The following NTRK2 variants were observed in gnomAD, a reference collection of about 807,000 sequenced individuals.
NTRK2 encodes neurotrophic receptor tyrosine kinase 2, also known as BDNF/NT-3 growth factors receptor.
A neutral mutation model predicts 94.5 loss-of-function variants in NTRK2; 13 were observed. The ratio of observed to expected loss-of-function variants is 0.14; its 90% CI spans 0.09 to 0.22. The LOEUF (loss-of-function observed/expected upper bound fraction) is 0.22, where lower values mean the gene tolerates loss of function less well. Ranked by LOEUF, NTRK2 falls within the 10% of genes least tolerant of loss-of-function variation. The pLI is 1.00. For synonymous variants in NTRK2, 372 were observed against 407.4 expected, an observed-to-expected ratio of 0.91 and a Z score of 1.05; for missense variants, 639 against 1,071.2, an observed-to-expected ratio of 0.60 and a Z score of 5.63.
chr9:84,699,970 A>G (rs1176858700), intron 2 of NTRK2, among the ~76,000 whole-genome samples: 2 of 152,236 alleles, frequency 1.3e-5, no homozygotes, highest in Admixed American at 6.5e-5. Context: ...TGTGCAGATC[A>G]TAATAAAGTC....
At chr9:84,789,632 C>G (rs949081818) in intron 12 of NTRK2, among the ~76,000 whole-genome samples, 65 of 152,154 alleles carry the variant, frequency 4.3e-4, no homozygotes, top group African/African-American at 1.5e-3. Flanking sequence ...AATAGCAGAC[C>G]TAAATCCAGA....
Position 84,670,868 on chromosome 9 carries a change from C to T in NTRK2, c.120C>T (p.Ala40=), listed in dbSNP as rs752620023. ...FACPTSCKCS[A]SRIWCSDPSP... ...GTCCCACGTCCTGCAAATGCAGTGCCTCTCGGATCTGGTGCAGCGACCCTT... is the reference window on the plus strand; with the variant it reads ...GTCCCACGTCCTGCAAATGCAGTGCTTCTCGGATCTGGTGCAGCGACCCTT... The change falls in exon 2 of 19, where the codon GCC becomes GCT. Residue 40 remains alanine, a synonymous_variant. Coordinates refer to ENST00000277120, the MANE Select transcript of NTRK2 (RefSeq NM_006180.6). The T allele has an allele frequency of 1.1e-5, 18 of 1,613,858 alleles. No individual in the cohort carries two copies. The highest frequency in any genetic ancestry group is 5.1e-6 in the Non-Finnish European group (6 of 1,180,046).
intron 16 of NTRK2, among the ~76,000 whole-genome samples, chr9:84,951,514 G>A (rs1197963442): frequency 6.6e-6 from 1 of 152,080 alleles, no homozygotes; most frequent in Non-Finnish European, 1.5e-5. Context: ...AAATGCTTCC[G>A]TGAGCTCACA....
Position 84,695,243 on chromosome 9 carries a change from G to A in NTRK2, c.213-6916G>A, listed in dbSNP as rs993310831. On this transcript the variant is annotated intron_variant, in intron 2 of 18. Transcript: ENST00000277120. ...GATGTGTTGCCAAAGTACAGTTCAG[G>A]TAATAAAGTCTAGGCTAAAGGGGAA... 5.9e-5 allele frequency among the ~76,000 whole-genome samples: 9 copies of A among 152,110 alleles called. No homozygotes were observed. The East Asian group carries it at 1.5e-3, about 26-fold the overall frequency.
At chr9:84,676,019 A>T (rs1319710227) in intron 2 of NTRK2, among the ~76,000 whole-genome samples, 1 of 151,924 alleles carries the variant, frequency 6.6e-6, no homozygotes, top group Non-Finnish European at 1.5e-5. Flanking sequence ...GTAGATACTA[A>T]GTTTATTCCT....
intron 17 of NTRK2, among the ~76,000 whole-genome samples, chr9:85,010,450 A>G (rs943773238): frequency 6.6e-6 from 1 of 152,196 alleles, no homozygotes; most frequent in Non-Finnish European, 1.5e-5. Context: ...GAGGCCATGA[A>G]AAGCTCGGTA....
At position 84,670,511 on chromosome 9, in the gene NTRK2, G is replaced by T; in HGVS notation, c.-238G>T. ...GGCCGCCGCGGAGCTCCGAGCAGCG[G>T]TAGCGCCCCCCTGTAAAGCGGTTCG... On this transcript the variant is annotated 5_prime_UTR_variant, in exon 2 of 19. Transcript: ENST00000277120. 1.8e-6 allele frequency: 1 copy of T among 562,390 alleles called. No individual in the cohort carries two copies. Among genetic ancestry groups the T allele is most frequent in the East Asian group, 3.0e-5 (1 of 33,678 alleles). 34.8% of individuals were successfully genotyped at this position (562,390 alleles called of 1,614,324 possible). A position where few individuals can be genotyped will look rare whatever the true frequency, so the allele number is the denominator to read the frequency against.
At chr9:85,006,338 G>A (rs1236784096) in intron 17 of NTRK2, among the ~76,000 whole-genome samples, 1 of 152,168 alleles carries the variant, frequency 6.6e-6, no homozygotes, top group African/African-American at 2.4e-5. Context: ...TGGCAATGCT[G>A]GGGGCTGGTT....
intron 15 of NTRK2, among the ~76,000 whole-genome samples, chr9:84,946,074 C>T (rs1044372309): frequency 4.6e-5 from 7 of 152,140 alleles, no homozygotes; most frequent in Admixed American, 3.9e-4. Context: ...GGGACCTGGC[C>T]GTGTTCTGGA....
chr9:84,677,989 C>T (rs2059163042), intron 2 of NTRK2, among the ~76,000 whole-genome samples: 1 of 152,184 alleles, frequency 6.6e-6, no homozygotes, highest in African/African-American at 2.4e-5. Flanking sequence ...CAAATTGCTA[C>T]TTAGCATCCC....
At chr9:84,809,882 G>GAAAAA (rs35481612) in intron 12 of NTRK2, among the ~76,000 whole-genome samples, 23 of 118,586 alleles carry the variant, frequency 1.9e-4, no homozygotes, top group South Asian at 5.8e-4. Flanking sequence ...ACTCTGTCTG[G>GAAAAA]AAAAAAAAAA....
intron 2 of NTRK2, among the ~76,000 whole-genome samples, chr9:84,692,460 C>CTTTTTTTTT: frequency 8.2e-6 from 1 of 122,078 alleles, no homozygotes; most frequent in Non-Finnish European, 1.7e-5. Context: ...TCTTTTTTTT[C>CTTTTTTTTT]TTTTTTTCTT....
chr9:84,691,635 T>G (rs1198132739), intron 2 of NTRK2, among the ~76,000 whole-genome samples: 1 of 152,182 alleles, frequency 6.6e-6, no homozygotes, highest in Non-Finnish European at 1.5e-5. Flanking sequence ...GAAGCTACCC[T>G]ATCTGAGTAT....
intron 14 of NTRK2, among the ~76,000 whole-genome samples, chr9:84,898,677 C>T (rs1323578340): frequency 1.3e-5 from 2 of 151,538 alleles, no homozygotes; most frequent in South Asian, 2.1e-4. Flanking sequence ...CCTTCTGAGC[C>T]CCCATTTTTT....
intron 2 of NTRK2, among the ~76,000 whole-genome samples, chr9:84,671,184 CAT>C (rs2131272818): frequency 6.6e-6 from 1 of 152,312 alleles, no homozygotes; most frequent in South Asian, 2.1e-4. Flanking sequence ...TATAGATATA[CAT>C]ATGCCGATTA....
chr9:85,026,974 C>A lies in NTRK2; in HGVS notation c.*5537C>A, dbSNP rs1833064094. On this transcript the variant is annotated 3_prime_UTR_variant, in exon 19 of 19. Coordinates refer to ENST00000277120, the MANE Select transcript of NTRK2 (RefSeq NM_006180.6). ...TTTGTAAATCATGTGACCAGCTTCT[C>A]TCAACCTGACATGGAAAGTCTCTTG... 4.3e-6 allele frequency: 1 copy of A among 232,328 alleles called. No homozygotes were observed. Among genetic ancestry groups the A allele is most frequent in the African/African-American group, 2.2e-5 (1 of 45,290 alleles). The allele number at this position is 232,328 out of a possible 1,614,324, so 14.4% of individuals were successfully genotyped here.
At chr9:84,781,547 A>G (rs1260576140) in intron 12 of NTRK2, among the ~76,000 whole-genome samples, 4 of 152,186 alleles carry the variant, frequency 2.6e-5, no homozygotes, top group African/African-American at 9.7e-5. Context: ...TAAATAATGT[A>G]TTTTAGTCAT....
chr9:84,963,401 A>G (rs546485248), intron 17 of NTRK2, among the ~76,000 whole-genome samples: 13 of 152,320 alleles, frequency 8.5e-5, no homozygotes, highest in South Asian at 8.3e-4. Flanking sequence ...TCATGATAAC[A>G]TCTGTTTCTT....
chr9:84,891,081 C>G (rs1340030359), intron 14 of NTRK2, among the ~76,000 whole-genome samples: 1 of 152,108 alleles, frequency 6.6e-6, no homozygotes, highest in East Asian at 1.9e-4. Context: ...CGTGTGCTGT[C>G]AGTTTGATAG....
Sources: allele counts gnomAD v4.1 joint callset (sites outside exome capture counted in the v4.1 genomes callset), GRCh38; gene constraint gnomAD v4.1.1; transcripts MANE v1.5; gene names NCBI Gene and HGNC (gene_info 2026-07-23, HGNC 2026-07-21).